ZNF114: variants seen among roughly 807,000 people sequenced by gnomAD.
The protein encoded by ZNF114 is zinc finger protein 114, also known as zinc finger protein 114 (Y18).
Under a neutral mutation model 6.8 loss-of-function variants are expected in ZNF114, and 8 were observed. That is an observed-to-expected ratio of 1.18 (90% CI 0.69 to 2.13). The LOEUF is 2.13. Among genes scored for constraint, ZNF114 ranks in the 30% most tolerant of loss-of-function variants. The pLI is 0.00. For missense variants in ZNF114, 472 were observed against 519.5 expected (o/e 0.91, Z 0.89); for synonymous variants, 169 against 185.5 (o/e 0.91, Z 0.72).
intron 4 of ZNF114, 107 bp from the exon 5 acceptor site, chr19:48,282,264 G>A (rs1968012598): frequency 6.9e-7 from 1 of 1,459,468 alleles, no homozygotes. Context: ...ACCTTTGCAG[G>A]TACCAAGGGT....
At chr19:48,282,964 C>T (rs991664462) in intron 5 of ZNF114, among the ~76,000 whole-genome samples, 1 of 152,100 alleles carries the variant, frequency 6.6e-6, no homozygotes, top group South Asian at 2.1e-4. Flanking sequence ...GATCCTCCCA[C>T]CTCGGCCTCC....
rs534766682 is a variant in ZNF114, at chr19:48,272,722, A to C, written c.-70+894A>C. On this transcript the variant is annotated intron_variant, in intron 3 of 5. Coordinates refer to ENST00000595607, the MANE Select transcript of ZNF114 (RefSeq NM_153608.4). ...AAGTATTGGATTGGAGCCTGTTGTG[A>C]TGAGGGTGAACTGAAAAGTCCTGGG... Among the ~76,000 whole-genome samples the C allele has an allele frequency of 8.0e-4, 105 of 131,876 alleles. 1 individual carries two copies. The highest frequency in any genetic ancestry group is 3.0e-3 in the African/African-American group (102 of 33,748). The allele number at this position is 131,876 out of a possible 152,430, so 86.5% of individuals were successfully genotyped here. A position where few individuals can be genotyped will look rare whatever the true frequency, so the allele number is the denominator to read the frequency against.
At chr19:48,284,391 A>G (rs948367500) in intron 5 of ZNF114, among the ~76,000 whole-genome samples, 1 of 151,876 alleles carries the variant, frequency 6.6e-6, no homozygotes, top group Non-Finnish European at 1.5e-5. Flanking sequence ...ATGGCAAAAC[A>G]CTGTTCTTTT....
At chr19:48,272,621 C>CTTTTTTTTTTTTTTTTGAGAGGGAGT (rs1568989041) in intron 3 of ZNF114, among the ~76,000 whole-genome samples, 16 of 124,924 alleles carry the variant, frequency 1.3e-4, no homozygotes, top group African/African-American at 4.8e-4. Context: ...TTGCAGTGAG[C>CTTTTTTTTTTTTTTTTGAGAGGGAGT]CGAGATCGTG....
At chr19:48,270,833 C>T (rs1294029974) in intron 1 of ZNF114, among the ~76,000 whole-genome samples, 19 of 151,878 alleles carry the variant, frequency 1.3e-4, no homozygotes, top group Non-Finnish European at 2.6e-4. Flanking sequence ...AATCTCAGCA[C>T]TTTGGGAGGC....
chr19:48,284,789 G>A (rs999757199), intron 5 of ZNF114, among the ~76,000 whole-genome samples: 16 of 152,056 alleles, frequency 1.1e-4, no homozygotes, highest in African/African-American at 3.4e-4. Flanking sequence ...CCCTGCTAAA[G>A]GCCTGTTCCT....
intron 3 of ZNF114, 123 bp from the exon 4 acceptor site, chr19:48,279,608 C>T: frequency 1.7e-6 from 1 of 602,516 alleles, no homozygotes; most frequent in Non-Finnish European, 2.9e-6. Flanking sequence ...GGGTTGTGGG[C>T]TGTGGTGGGG....
At chr19:48,273,538 A>G (rs11672699) in intron 3 of ZNF114, among the ~76,000 whole-genome samples, 25,725 of 151,560 alleles carry the variant, frequency 0.17, 2,389 homozygotes, top group South Asian at 0.22. Flanking sequence ...GGAAACTTAA[A>G]TTGAAATAGG....
At chr19:48,279,224 A>G (rs1446362890) in intron 3 of ZNF114, among the ~76,000 whole-genome samples, 1 of 150,598 alleles carries the variant, frequency 6.6e-6, no homozygotes, top group African/African-American at 2.4e-5. Flanking sequence ...GTGAGACCCC[A>G]TCTCTATGAA....
intron 5 of ZNF114, among the ~76,000 whole-genome samples, chr19:48,282,884 TG>T (rs1968029134): frequency 1.3e-5 from 2 of 151,742 alleles, no homozygotes; most frequent in South Asian, 4.2e-4. Context: ...GGCTAATTTT[TG>T]TTTGTATTTT....
intron 3 of ZNF114, among the ~76,000 whole-genome samples, chr19:48,277,670 C>A (rs1010131110): frequency 6.6e-6 from 1 of 152,232 alleles, no homozygotes; most frequent in Non-Finnish European, 1.5e-5. Context: ...CCATCTGGCA[C>A]CGCAAGGCTC....
rs1043966662 is a variant in ZNF114, at chr19:48,274,979, G to A, written c.-70+3151G>A. On this transcript the variant is annotated intron_variant, in intron 3 of 5. Coordinates refer to ENST00000595607, the MANE Select transcript of ZNF114 (RefSeq NM_153608.4). ...CATTTGTGTGGTTGTTCCTTGTGTC[G>A]TTGAAAGTTAGACCTGGCCAGGCAC... is the stretch of plus-strand genomic sequence containing the variant. Among the ~76,000 whole-genome samples the A allele has an allele frequency of 4.0e-5, 6 of 151,318 alleles. 1 individual carries two copies. In the East Asian group the frequency reaches 5.9e-4, roughly 15 times the overall value.
rs754093753 is a variant in ZNF114 at position 48,286,147 on chromosome 19, G to A, written c.523G>A (p.Glu175Lys). Residue 175 changes from glutamate to lysine, a missense_variant, in exon 6 of 6, where the codon GAA becomes AAA. Physicochemically the swap from Glu to Lys is moderately conservative, Grantham distance 56. Coordinates refer to ENST00000595607, the MANE Select transcript of ZNF114 (RefSeq NM_153608.4). ...TAGTCAAAAAACACATGAAAACAAC[G>A]AAGACGATGGAGTCTTGGGGTGGAA... ...NDSQKTHENN[E>K]DDGVLGWNIQ... is the part of the protein sequence containing the mutation. 39 of 1,614,030 alleles carry A rather than the reference G, an allele frequency of 2.4e-5. No individual in the cohort carries two copies. The highest frequency in any genetic ancestry group is 6.7e-5 in the African/African-American group (5 of 74,906).
At chr19:48,281,394 G>A (rs1234177277) in intron 4 of ZNF114, among the ~76,000 whole-genome samples, 2 of 151,856 alleles carry the variant, frequency 1.3e-5, no homozygotes, top group African/African-American at 4.8e-5. Context: ...GTAGTCACTG[G>A]CGTCCTTGGC....
chr19:48,271,592 C>G (rs1474916414), intron 2 of ZNF114, 135 bp from the exon 3 acceptor site: 1 of 152,514 alleles, frequency 6.6e-6, no homozygotes, highest in African/African-American at 2.4e-5. Flanking sequence ...GCTCGGCTCC[C>G]CTCTCCTCCC....
At chr19:48,274,498 ATATATATATTTTTTTT>A (rs1156443369) in intron 3 of ZNF114, among the ~76,000 whole-genome samples, 2 of 48,688 alleles carry the variant, frequency 4.1e-5, no homozygotes, top group African/African-American at 9.4e-5. Context: ...ATATATATAT[ATATATATATTTTTTTT>A]TTTTTTTTTG....
chr19:48,283,820 A>G (rs974069868), intron 5 of ZNF114, among the ~76,000 whole-genome samples: 6 of 150,902 alleles, frequency 4.0e-5, no homozygotes, highest in African/African-American at 1.2e-4. Flanking sequence ...TGCAACCTCC[A>G]CCTCCCGGGT....
rs1600844601 is a variant in ZNF114, at chr19:48,282,327, AT to A, written c.10-43del. ...GAGAAAGGGGTCACAGTTCAAACTG[AT>A]AACAGGACACCCCTCCGAGCCAAAC... On this transcript the variant is annotated intron_variant, in intron 4 of 5. Coordinates refer to ENST00000595607, the MANE Select transcript of ZNF114 (RefSeq NM_153608.4). 3 of 1,609,252 alleles carry A rather than the reference AT, an allele frequency of 1.9e-6. No individual in the cohort carries two copies. The African/African-American group carries it at 4.0e-5, about 22-fold the overall frequency.
In ZNF114 at chr19:48,279,758, AAC is replaced by A. The variant is rs1377677461; in HGVS notation, c.-39_-38del. 2 of 1,613,768 alleles carry A rather than the reference AAC, an allele frequency of 1.2e-6. No individual in the cohort carries two copies. The highest frequency in any genetic ancestry group is 1.7e-6 in the Non-Finnish European group (2 of 1,179,892). On this transcript the variant is annotated 5_prime_UTR_variant, in exon 4 of 6. Transcript: ENST00000595607. ...CTGCCTCACCTGCCTCCTTGAAGGA[AAC>A]ACGGGGAAGCCAGGACTGGCCGTCA...
Sources: gnomAD v4.1 joint callset for allele counts (sites outside exome capture counted in the v4.1 genomes callset) on GRCh38, gnomAD v4.1.1 for gene constraint, MANE v1.5 for transcripts, NCBI Gene and HGNC (gene_info 2026-07-23, HGNC 2026-07-21) for gene names.